The following RNF213 variants were observed in gnomAD, a reference collection of about 807,000 sequenced individuals.
RNF213 encodes E3 ubiquitin-protein ligase RNF213.
RNF213 carries 341 observed loss-of-function variants against 514.4 expected under a neutral mutation model. The ratio of observed to expected loss-of-function variants is 0.66; its 90% confidence interval spans 0.61 to 0.73. RNF213 has a LOEUF of 0.73. RNF213 is among the 30% of genes least tolerant of loss of function. The pLI is 0.00. For missense variants in RNF213, 5,767 were observed against 6,615.6 expected, an observed-to-expected ratio of 0.87 and a Z score of 4.45; for synonymous variants, 2,655 against 2,658.2, an observed-to-expected ratio of 1.00 and a Z score of 0.04.
chr17:80,328,903 C>A (rs2046344843), intron 20 of RNF213, among the ~76,000 whole-genome samples: 1 of 152,252 alleles, frequency 6.6e-6, no homozygotes, highest in South Asian at 2.1e-4. Context: ...AAACCGTCAT[C>A]ATTTTACAAT....
Position 80,377,259 on chromosome 17 carries a change from C to T in RNF213, c.13510+296C>T. The T allele has an allele frequency of 2.2e-6, 1 of 464,134 alleles. No homozygotes were observed. Among genetic ancestry groups the T allele is most frequent in the Admixed American group, 3.5e-5 (1 of 28,418 alleles). 28.8% of individuals were successfully genotyped at this position (464,134 alleles called of 1,614,324 possible). Reference sequence around the variant, plus strand: ...AGAAGGGAGGGACTGGGAACCACATCAGAGACGCATTCAAAGGCCCACCAC... The same window carrying T: ...AGAAGGGAGGGACTGGGAACCACATTAGAGACGCATTCAAAGGCCCACCAC... On this transcript the variant is annotated intron_variant, in intron 53 of 67. Coordinates refer to ENST00000582970, the MANE Select transcript of RNF213 (RefSeq NM_001256071.3). This position sits in a 1 kb window ranked among gnomAD's most constrained non-coding sequence, Gnocchi z 4.1.
chr17:80,285,962 C>G (rs1411913826), intron 3 of RNF213, among the ~76,000 whole-genome samples: 1 of 152,060 alleles, frequency 6.6e-6, no homozygotes, highest in Non-Finnish European at 1.5e-5. Context: ...AGGCCTGAGC[C>G]ACCGCACCTG....
intron 10 of RNF213, among the ~76,000 whole-genome samples, chr17:80,297,543 C>T (rs1250376168): frequency 6.6e-6 from 1 of 151,834 alleles, no homozygotes; most frequent in Admixed American, 6.6e-5. Context: ...TTGCTTGAGC[C>T]AGGAGTTCAG....
intron 26 of RNF213, among the ~76,000 whole-genome samples, chr17:80,342,751 T>TATACATACA (rs2078196769): frequency 1.4e-5 from 2 of 146,220 alleles, no homozygotes; most frequent in African/African-American, 2.5e-5. Flanking sequence ...ATATTGTATG[T>TATACATACA]ATATATATAT....
At position 80,288,049 on chromosome 17, in the gene RNF213, C is replaced by A; in HGVS notation, c.496C>A (p.Pro166Thr). The A allele has an allele frequency of 6.2e-7, 1 of 1,605,356 alleles. No individual in the cohort carries two copies. The highest frequency in any genetic ancestry group is 8.5e-7 in the Non-Finnish European group (1 of 1,175,970). ...ACTGGAGGGTGACGGCCTCTCCGCG[C>A]CCACCGAGGTTGGCGACAGCCCCCT... Reference protein sequence around the residue: ...TPLEGDGLSAPTEVGDSPLQA... With the variant: ...TPLEGDGLSATTEVGDSPLQA... Residue 166 changes from proline (P) to threonine (T), a missense_variant, in exon 4 of 68, where the codon CCC (proline) becomes ACC (threonine). Pro to Thr is a conservative substitution (Grantham distance 38, BLOSUM62 -1). Transcript: ENST00000582970. The surrounding 1 kb of genome is among the most constrained non-coding windows in gnomAD (Gnocchi z 4.9).
rs1484821044 is a variant in RNF213 at position 80,393,639 on chromosome 17, C to A, written c.*141C>A. 2 of 879,376 alleles carry A rather than the reference C, an allele frequency of 2.3e-6. No individual in the cohort carries two copies. Among genetic ancestry groups the A allele is most frequent in the Non-Finnish European group, 3.5e-6 (2 of 565,382 alleles). 54.5% of individuals were successfully genotyped at this position (879,376 alleles called of 1,614,324 possible). Reference sequence around the variant, plus strand: ...CGTAGCACCGAATTCAAGACCAAGGCGTGCTACCTGAGCTGACAGCTTTTT... The same window carrying A: ...CGTAGCACCGAATTCAAGACCAAGGAGTGCTACCTGAGCTGACAGCTTTTT... On this transcript the variant is annotated 3_prime_UTR_variant, in exon 68 of 68. Transcript: ENST00000582970.
At chr17:80,323,166 T>C (rs996766146) in intron 17 of RNF213, among the ~76,000 whole-genome samples, 3 of 152,232 alleles carry the variant, frequency 2.0e-5, no homozygotes, top group Non-Finnish European at 4.4e-5. Context: ...TTGAGTGATG[T>C]TGGCACTCTT....
chr17:80,276,757 A>G (rs1446869444), intron 3 of RNF213, among the ~76,000 whole-genome samples: 1 of 152,160 alleles, frequency 6.6e-6, no homozygotes, highest in Non-Finnish European at 1.5e-5. Flanking sequence ...AAAGTTACGC[A>G]TAAAATTATC....
In RNF213 at chr17:80,389,997, C is replaced by G. The variant is rs765789358; in HGVS notation, c.15286-15C>G. ...TGCAGGCTTTAATGCTTCATTTGCT[C>G]TTCCGTCGTTTTAGGAGCCATTTGG... On this transcript the variant is annotated splice_polypyrimidine_tract_variant and intron_variant, in intron 66 of 67. Transcript: ENST00000582970. 4 of 1,614,216 alleles carry G rather than the reference C, an allele frequency of 2.5e-6. No homozygotes were observed. The highest frequency in any genetic ancestry group is 3.4e-6 in the Non-Finnish European group (4 of 1,180,028).
chr17:80,371,899 C>T lies in RNF213; in HGVS notation c.12451C>T (p.Gln4151Ter). The change falls in exon 47 of 68, where the codon CAG (glutamine) becomes TAG (stop). Residue 4151 changes from glutamine (Q) to a stop codon, truncating the protein, a stop_gained. Coordinates refer to ENST00000582970, the MANE Select transcript of RNF213 (RefSeq NM_001256071.3). LOFTEE classifies it high-confidence loss of function. ...CTTTCATGATGTAAAAGATTATATT[C>T]AGGAATATTTGACCCTGTTAAAAAA... ...YSFHDVKDYI[Q>*]EYLTLLKKKA... 1 of 1,542,204 alleles carries T rather than the reference C, an allele frequency of 6.5e-7. No homozygotes were observed. Among genetic ancestry groups the T allele is most frequent in the Non-Finnish European group, 9.0e-7 (1 of 1,114,508 alleles).
intron 17 of RNF213, chr17:80,319,585 G>T (rs563284330): frequency 6.3e-7 from 1 of 1,577,206 alleles, no homozygotes; most frequent in Admixed American, 1.8e-5. Context: ...CAAGTCACAC[G>T]GGCTTGCAGG....
intron 6 of RNF213, among the ~76,000 whole-genome samples, 166 bp from the exon 7 acceptor site, chr17:80,290,402 CTT>C (rs2044659413): frequency 7.1e-6 from 1 of 140,540 alleles, no homozygotes; most frequent in African/African-American, 2.9e-5. Flanking sequence ...TGTACGTGTG[CTT>C]GTGTGTGTGC....
intron 10 of RNF213, among the ~76,000 whole-genome samples, chr17:80,296,332 T>G (rs1168231470): frequency 6.6e-6 from 1 of 152,228 alleles, no homozygotes; most frequent in African/African-American, 2.4e-5. Context: ...AATACCCTGC[T>G]TTTTGAAGCT....
intron 36 of RNF213, among the ~76,000 whole-genome samples, chr17:80,356,677 C>T (rs543920842): frequency 2.5e-3 from 385 of 152,232 alleles, no homozygotes; most frequent in Non-Finnish European, 4.1e-3. Context: ...CCAGGCTCGG[C>T]GGCTCCCGCC....
intron 23 of RNF213, 66 bp from the exon 24 acceptor site, chr17:80,337,520 C>G: frequency 6.6e-7 from 1 of 1,517,206 alleles, no homozygotes; most frequent in Non-Finnish European, 8.8e-7. Context: ...AGGCCGACCA[C>G]AGGAGGGAGA....
At chr17:80,361,700 C>A in intron 38 of RNF213, 34 bp from the exon 39 acceptor site, 1 of 1,609,984 alleles carries the variant, frequency 6.2e-7, no homozygotes, top group South Asian at 1.1e-5. Context: ...GACTTAGACG[C>A]ACTCCAGGCC....
intron 32 of RNF213, chr17:80,352,188 T>C (rs956092976): frequency 5.8e-5 from 13 of 224,402 alleles, no homozygotes; most frequent in African/African-American, 3.0e-4. Context: ...GTTGGAACTG[T>C]TTCTCATTTG....
At chr17:80,302,721 A>G (rs968584263) in intron 11 of RNF213, among the ~76,000 whole-genome samples, 2 of 152,134 alleles carry the variant, frequency 1.3e-5, no homozygotes, top group Non-Finnish European at 2.9e-5. Flanking sequence ...ATAGTTAGGC[A>G]TGGTGGGGTG....
chr17:80,276,642 A>G (rs1006998912), intron 3 of RNF213, among the ~76,000 whole-genome samples: 4 of 151,508 alleles, frequency 2.6e-5, no homozygotes, highest in Non-Finnish European at 4.4e-5. Flanking sequence ...AGGAAAGACA[A>G]TAGGAAATGT....
Sources: allele counts gnomAD v4.1 joint callset (sites outside exome capture counted in the v4.1 genomes callset), GRCh38; gene constraint gnomAD v4.1.1; non-coding constraint Gnocchi (gnomAD v3.1); transcripts MANE v1.5; gene names NCBI Gene and HGNC (gene_info 2026-07-23, HGNC 2026-07-21).